MAML2: variants seen among roughly 807,000 people sequenced by gnomAD.
The protein encoded by MAML2 is mastermind like transcriptional coactivator 2.
A neutral mutation model predicts 96.1 loss-of-function variants in MAML2; 22 were observed. The ratio of observed to expected loss-of-function variants is 0.23; its 90% CI spans 0.16 to 0.33. MAML2 has a LOEUF of 0.33. MAML2 is among the 10% of genes least tolerant of loss of function. The pLI, the probability that MAML2 is intolerant of heterozygous loss-of-function variation, is 1.00. For missense variants in MAML2, 1,367 were observed against 1,392.4 expected, an observed-to-expected ratio of 0.98 and a Z score of 0.29; for synonymous variants, 561 against 521.3, an observed-to-expected ratio of 1.08 and a Z score of -1.04.
intron 2 of MAML2, among the ~76,000 whole-genome samples, chr11:95,999,713 T>C (rs983497678): frequency 3.3e-4 from 50 of 152,186 alleles, no homozygotes; most frequent in African/African-American, 1.2e-3. Context: ...TAATGTAAAT[T>C]ACTTGAGATC....
chr11:96,285,929 T>A (rs518812), intron 1 of MAML2, among the ~76,000 whole-genome samples: 119,753 of 152,138 alleles, frequency 0.79, 47,308 homozygotes, highest in African/African-American at 0.86. Flanking sequence ...TTCTTCAAAG[T>A]TCTAGAAGCT....
At chr11:96,084,041 G>A (rs1476703551) in intron 2 of MAML2, among the ~76,000 whole-genome samples, 3 of 152,254 alleles carry the variant, frequency 2.0e-5, no homozygotes, top group African/African-American at 7.2e-5. Context: ...AAGGAACAGC[G>A]TATTTGAAGA....
chr11:96,210,559 C>T (rs1475005294), intron 1 of MAML2, among the ~76,000 whole-genome samples: 3 of 152,156 alleles, frequency 2.0e-5, no homozygotes, highest in Non-Finnish European at 4.4e-5. Context: ...GTTCAAACAG[C>T]TCTAAAACTT....
Position 96,043,933 on chromosome 11 carries a change from T to C in MAML2, c.2139+47959A>G, listed in dbSNP as rs536706372. Among the ~76,000 whole-genome samples, 3 of 152,350 alleles carry C rather than the reference T, an allele frequency of 2.0e-5. No individual in the cohort carries two copies. In the East Asian group the frequency reaches 5.8e-4, roughly 29 times the overall value. On this transcript the variant is annotated intron_variant, in intron 2 of 4. Coordinates refer to ENST00000524717, the MANE Select transcript of MAML2 (RefSeq NM_032427.4). ...GTAACTCTGGTAGTAACTTCCATAATGGACTTAAAATAAGTAGATGAAGGT... is the reference window on the plus strand; with the variant it reads ...GTAACTCTGGTAGTAACTTCCATAACGGACTTAAAATAAGTAGATGAAGGT...
chr11:96,033,104 A>G (rs930123984), intron 2 of MAML2, among the ~76,000 whole-genome samples: 2 of 152,216 alleles, frequency 1.3e-5, no homozygotes, highest in African/African-American at 2.4e-5. Flanking sequence ...TAAGACAACA[A>G]AACTAATACA....
chr11:96,273,090 G>A lies in MAML2; in HGVS notation c.513+68293C>T, dbSNP rs192466615. The stretch of plus-strand genomic sequence containing the variant: ...CTGTTTCAATGCAAAAAGTTCCTAC[G>A]TAATGCTGATCACATTAAAGTTTGT... On this transcript the variant is annotated intron_variant, in intron 1 of 4. Transcript: ENST00000524717. Among the ~76,000 whole-genome samples, 68 of 152,154 alleles carry A rather than the reference G, an allele frequency of 4.5e-4. 1 individual carries two copies. Among genetic ancestry groups the A allele is most frequent in the African/African-American group, 1.5e-3 (62 of 41,510 alleles).
chr11:96,172,282 G>A (rs1235590519), intron 1 of MAML2, among the ~76,000 whole-genome samples: 1 of 152,120 alleles, frequency 6.6e-6, no homozygotes, highest in Non-Finnish European at 1.5e-5. Flanking sequence ...GTAGCTTATG[G>A]CTCATCAGCA....
chr11:95,986,893 A>G (rs1857836854), intron 3 of MAML2, among the ~76,000 whole-genome samples: 2 of 152,306 alleles, frequency 1.3e-5, no homozygotes, highest in Non-Finnish European at 2.9e-5. Flanking sequence ...GGAAGCTAAG[A>G]GAAAAAAAAA....
intron 1 of MAML2, among the ~76,000 whole-genome samples, chr11:96,234,076 T>G (rs1415976815): frequency 6.6e-6 from 1 of 152,200 alleles, no homozygotes; most frequent in Non-Finnish European, 1.5e-5. Context: ...AAGGATCACT[T>G]TTCAAACATT....
At chr11:96,236,813 T>A (rs1397835918) in intron 1 of MAML2, among the ~76,000 whole-genome samples, 1 of 152,188 alleles carries the variant, frequency 6.6e-6, no homozygotes, top group African/African-American at 2.4e-5. Flanking sequence ...TCTTAGTAAA[T>A]ATCTATGGTA....
rs919074725 is a variant in MAML2 at position 96,121,499 on chromosome 11, C to A, written c.514-27982G>T. On this transcript the variant is annotated intron_variant, in intron 1 of 4. Transcript: ENST00000524717. ...TGTACTTTGGTGAAGTGTCAATAAA[C>A]CCTCAATAAACATGCTTCAGAGAAG... Among the ~76,000 whole-genome samples, 6 of 152,210 alleles carry A rather than the reference C, an allele frequency of 3.9e-5. No homozygotes were observed. In the South Asian group the frequency reaches 1.2e-3, roughly 32 times the overall value.
chr11:96,152,944 C>T (rs1860947323), intron 1 of MAML2, among the ~76,000 whole-genome samples: 1 of 152,088 alleles, frequency 6.6e-6, no homozygotes, highest in Non-Finnish European at 1.5e-5. Flanking sequence ...GGTGGAGGAA[C>T]CAAGGAGGAC....
rs1260411412 is a variant in MAML2 at position 96,095,163 on chromosome 11, A to C, written c.514-1646T>G. 2.0e-5 allele frequency among the ~76,000 whole-genome samples: 3 copies of C among 152,088 alleles called. No homozygotes were observed. In the East Asian group the frequency reaches 5.8e-4, roughly 29 times the overall value. On this transcript the variant is annotated intron_variant, in intron 1 of 4. Coordinates refer to ENST00000524717, the MANE Select transcript of MAML2 (RefSeq NM_032427.4). ...GTCATTTACACTCTAACATGCTCTA[A>C]TTAGTTTGTTCAGGGCTAGGATCAA...
chr11:96,118,885 A>G (rs1860289881), intron 1 of MAML2, among the ~76,000 whole-genome samples: 1 of 152,090 alleles, frequency 6.6e-6, no homozygotes, highest in Non-Finnish European at 1.5e-5. Flanking sequence ...TAGGTTAAAC[A>G]CAACCTCCCC....
chr11:95,985,951 G>C (rs1857817875), intron 3 of MAML2, among the ~76,000 whole-genome samples: 1 of 152,074 alleles, frequency 6.6e-6, no homozygotes, highest in African/African-American at 2.4e-5. Flanking sequence ...GATTTTTCAA[G>C]ATGCTAATTT....
intron 1 of MAML2, among the ~76,000 whole-genome samples, chr11:96,098,899 T>G (rs536250178): frequency 4.6e-5 from 7 of 152,352 alleles, no homozygotes; most frequent in African/African-American, 1.7e-4. Flanking sequence ...ACATAAACTT[T>G]CTGGAGGGAT....
chr11:96,010,840 T>A (rs1858255371), intron 2 of MAML2, among the ~76,000 whole-genome samples: 1 of 152,210 alleles, frequency 6.6e-6, no homozygotes, highest in Admixed American at 6.5e-5. Context: ...TACTTTCATA[T>A]AAGTATATAT....
At chr11:96,096,742 A>G (rs1859836005) in intron 1 of MAML2, among the ~76,000 whole-genome samples, 1 of 152,192 alleles carries the variant, frequency 6.6e-6, no homozygotes, top group Non-Finnish European at 1.5e-5. Context: ...AAATGGGATT[A>G]TCTCTGAGAT....
chr11:96,338,612 A>G (rs1863948663), intron 1 of MAML2, among the ~76,000 whole-genome samples: 1 of 152,232 alleles, frequency 6.6e-6, no homozygotes, highest in South Asian at 2.1e-4. Context: ...GCATTGTACT[A>G]GAAGGTATGC....
Sources: allele counts gnomAD v4.1 joint callset (sites outside exome capture counted in the v4.1 genomes callset), GRCh38; gene constraint gnomAD v4.1.1; transcripts MANE v1.5; gene names NCBI Gene and HGNC (gene_info 2026-07-23, HGNC 2026-07-21).